The following PARVB variants were observed in gnomAD, a reference collection of about 807,000 sequenced individuals.
PARVB encodes the protein beta-parvin.
PARVB carries 46 observed loss-of-function variants against 47.0 expected under a neutral mutation model. The ratio of observed to expected loss-of-function variants is 0.98; its 90% confidence interval spans 0.77 to 1.25. PARVB has a LOEUF of 1.25. Among genes scored for constraint, PARVB ranks in the 50% most tolerant of loss-of-function variants. PARVB has a pLI of 0.00. For synonymous variants in PARVB, 196 were observed against 196.3 expected, an observed-to-expected ratio of 1.00 and a Z score of 0.01; for missense variants, 473 against 471.6, an observed-to-expected ratio of 1.00 and a Z score of -0.03.
intron 7 of PARVB, 68 bp downstream of exon 7, chr22:44,136,586 CT>C: frequency 7.4e-7 from 1 of 1,347,554 alleles, no homozygotes; most frequent in Non-Finnish European, 1.1e-6. Context: ...CAGGCTGCCA[CT>C]TCAGCCAGGG....
At chr22:44,066,803 T>TCCTTCC in intron 1 of PARVB, among the ~76,000 whole-genome samples, 1 of 147,892 alleles carries the variant, frequency 6.8e-6, no homozygotes, top group African/African-American at 2.5e-5. Flanking sequence ...CTCCTCCTCC[T>TCCTTCC]CCTCCTCCTC....
chr22:44,170,393 G>A lies in PARVB; in HGVS notation c.*1715G>A, dbSNP rs139100. The stretch of plus-strand genomic sequence containing the variant: ...TCTTGATTACCTCCATAAAGACCCT[G>A]TCTCCAAATACCATCACATCAGAGG... On this transcript the variant is annotated 3_prime_UTR_variant, in exon 13 of 13. Transcript: ENST00000338758. The A allele has an allele frequency of 0.74, 112,842 of 151,968 alleles. 42,402 individuals are homozygous for A. The highest frequency in any genetic ancestry group is 0.83 in the African/African-American group (34,374 of 41,462). 9.4% of individuals were successfully genotyped at this position (151,968 alleles called of 1,614,324 possible). A position where few individuals can be genotyped will look rare whatever the true frequency, so the allele number is the denominator to read the frequency against.
intron 12 of PARVB, among the ~76,000 whole-genome samples, chr22:44,165,061 C>T (rs115671202): frequency 0.013 from 1,962 of 152,264 alleles, 52 homozygotes; most frequent in African/African-American, 0.045. Context: ...GGTATGATCA[C>T]AGCTCACTGC....
At chr22:44,111,090 G>C (rs575964809) in intron 3 of PARVB, 6 of 151,004 alleles carry the variant, frequency 4.0e-5, no homozygotes, top group Non-Finnish European at 7.4e-5. Context: ...GTCCCTTCAG[G>C]CTTCTCTGTG....
intron 11 of PARVB, among the ~76,000 whole-genome samples, chr22:44,161,232 T>C (rs2054044046): frequency 6.6e-6 from 1 of 151,332 alleles, no homozygotes; most frequent in Non-Finnish European, 1.5e-5. Flanking sequence ...GGGAGGCTCT[T>C]GGAGGAGAAC....
chr22:44,168,369 C>G (rs2054216169), intron 12 of PARVB: 1 of 507,514 alleles, frequency 2.0e-6, no homozygotes, highest in African/African-American at 1.9e-5. Context: ...CTTGTCACCC[C>G]AGGTGCCTGT....
intron 1 of PARVB, among the ~76,000 whole-genome samples, chr22:44,060,822 A>G (rs1174501273): frequency 6.6e-6 from 1 of 152,120 alleles, no homozygotes; most frequent in Non-Finnish European, 1.5e-5. Context: ...TAAAGTTGCC[A>G]CAAACCCCAA....
chr22:44,057,396 C>T (rs968441522), intron 1 of PARVB, among the ~76,000 whole-genome samples: 6 of 152,050 alleles, frequency 3.9e-5, no homozygotes, highest in Non-Finnish European at 5.9e-5. Flanking sequence ...AAAGAATCTC[C>T]GTGCTCGCAA....
chr22:44,152,223 C>T (rs1375862742), intron 10 of PARVB: 3 of 149,282 alleles, frequency 2.0e-5, no homozygotes, highest in African/African-American at 7.4e-5. Context: ...GATCTCGGCT[C>T]ACTGCAACCT....
intron 10 of PARVB, chr22:44,151,775 A>G (rs1211462041): frequency 1.9e-6 from 1 of 519,664 alleles, no homozygotes; most frequent in East Asian, 3.3e-5. Context: ...CTGAAACAAC[A>G]GACCTTTGTG....
rs143876284 is a variant in PARVB at position 44,125,766 on chromosome 22, T to C, written c.377-5721T>C. On this transcript the variant is annotated intron_variant, in intron 4 of 12. Coordinates refer to ENST00000338758, the MANE Select transcript of PARVB (RefSeq NM_013327.5). This position sits in a 1 kb window ranked among gnomAD's most constrained non-coding sequence, Gnocchi z 4.1. ...GTTTTGGGTAGGGCTGTGACGTGGA[T>C]TGGGTTAGAGTTTAAAAGGTCACTT... 1.4e-3 allele frequency among the ~76,000 whole-genome samples: 208 copies of C among 151,914 alleles called. No homozygotes were observed. Among genetic ancestry groups the C allele is most frequent in the African/African-American group, 4.6e-3 (192 of 41,400 alleles).
intron 1 of PARVB, among the ~76,000 whole-genome samples, chr22:44,065,462 CTCTT>C (rs1373603463): frequency 6.6e-6 from 1 of 152,108 alleles, no homozygotes; most frequent in Non-Finnish European, 1.5e-5. Context: ...AGCCTCCCAC[CTCTT>C]TCTTATTTCT....
At chr22:44,057,261 A>G (rs983283867) in intron 1 of PARVB, among the ~76,000 whole-genome samples, 6 of 152,204 alleles carry the variant, frequency 3.9e-5, no homozygotes, top group African/African-American at 7.2e-5. Context: ...AGCATAGCAC[A>G]TGTGGCACGC....
intron 1 of PARVB, among the ~76,000 whole-genome samples, chr22:44,079,760 T>C (rs528599433): frequency 6.6e-6 from 1 of 152,256 alleles, no homozygotes; most frequent in East Asian, 1.9e-4. Flanking sequence ...AAACCCCGTC[T>C]CTACTAAACA....
chr22:44,161,892 G>A (rs1297029874), intron 11 of PARVB, among the ~76,000 whole-genome samples: 1 of 152,208 alleles, frequency 6.6e-6, no homozygotes, highest in Non-Finnish European at 1.5e-5. Flanking sequence ...CAGCACTCCC[G>A]CATCTCCAGG....
intron 1 of PARVB, among the ~76,000 whole-genome samples, chr22:44,077,171 G>A (rs2051795447): frequency 6.6e-6 from 1 of 152,152 alleles, no homozygotes; most frequent in Non-Finnish European, 1.5e-5. Context: ...TTGGAGGCTG[G>A]AAGTCCAAGA....
At chr22:44,058,983 G>T (rs575371726) in intron 1 of PARVB, among the ~76,000 whole-genome samples, 14 of 151,480 alleles carry the variant, frequency 9.2e-5, no homozygotes, top group Non-Finnish European at 1.3e-4. Context: ...GGTGTGATGG[G>T]GGGGGGAAAC....
At chr22:44,096,759 G>T (rs530527949) in intron 2 of PARVB, among the ~76,000 whole-genome samples, 1 of 152,278 alleles carries the variant, frequency 6.6e-6, no homozygotes, top group East Asian at 1.9e-4. Context: ...AGTAGGACAG[G>T]TCCCTGTCCT....
chr22:44,122,542 GAGAGAGAGAGAC>G (rs1569134447), intron 4 of PARVB, among the ~76,000 whole-genome samples: 6,011 of 105,000 alleles, frequency 0.057, 388 homozygotes, highest in East Asian at 0.073. Flanking sequence ...GAGAGAGAGA[GAGAGAGAGAGAC>G]ACAGAGACAG....
Sources: gnomAD v4.1 joint callset for allele counts (sites outside exome capture counted in the v4.1 genomes callset) on GRCh38, gnomAD v4.1.1 for gene constraint, Gnocchi (gnomAD v3.1) non-coding constraint, MANE v1.5 for transcripts, NCBI Gene and HGNC (gene_info 2026-07-23, HGNC 2026-07-21) for gene names.